The following SYCE3 variants were observed in gnomAD, a reference collection of about 807,000 sequenced individuals.
SYCE3 encodes the protein synaptonemal complex central element protein 3, also known as testis highly expressed gene 2 protein.
Under a neutral mutation model 8.1 loss-of-function variants are expected in SYCE3, and 3 were observed. The ratio of observed to expected loss-of-function variants is 0.37; its 90% CI spans 0.17 to 0.96. The LOEUF (loss-of-function observed/expected upper bound fraction) is 0.96, where lower values mean the gene tolerates loss of function less well. Ranked by LOEUF, SYCE3 falls within the 40% of genes least tolerant of loss-of-function variation. The pLI is 0.41. For synonymous variants in SYCE3, 36 were observed against 38.7 expected (o/e 0.93, Z 0.26); for missense variants, 83 against 110.0 (o/e 0.75, Z 1.10).
At chr22:50,554,693 CAA>C (rs35905749) in intron 2 of SYCE3, among the ~76,000 whole-genome samples, 9 of 78,522 alleles carry the variant, frequency 1.1e-4, no homozygotes, top group African/African-American at 3.5e-4. Flanking sequence ...GACTCCGTCT[CAA>C]AAAAAAAAAA....
At chr22:50,559,919 C>T (rs1171786639) in intron 1 of SYCE3, among the ~76,000 whole-genome samples, 1 of 152,132 alleles carries the variant, frequency 6.6e-6, no homozygotes, top group Non-Finnish European at 1.5e-5. Context: ...CAGAGCAACA[C>T]TCTGTTCCAA....
chr22:50,560,042 A>T (rs1333207203), intron 1 of SYCE3, among the ~76,000 whole-genome samples: 1 of 152,230 alleles, frequency 6.6e-6, no homozygotes, highest in Non-Finnish European at 1.5e-5. Flanking sequence ...CAAGAGCCCA[A>T]TCGAAATGTT....
At chr22:50,556,074 T>C (rs131772) in intron 2 of SYCE3, among the ~76,000 whole-genome samples, 63,251 of 151,780 alleles carry the variant, frequency 0.42, 14,326 homozygotes, top group East Asian at 0.62. Flanking sequence ...ATTACAGGAG[T>C]GAGCCACCGC....
chr22:50,551,657 A>G (rs60414910), intron 2 of SYCE3, among the ~76,000 whole-genome samples: 12,355 of 152,230 alleles, frequency 0.081, 1,075 homozygotes, highest in African/African-American at 0.22. Context: ...CATGATGTAA[A>G]AAACTAGAGG....
rs1187062731 is a variant in SYCE3 at position 50,562,843 on chromosome 22, C to G, written c.-1+15G>C. 2 of 152,052 alleles carry G rather than the reference C, an allele frequency of 1.3e-5. No homozygotes were observed. The highest frequency in any genetic ancestry group is 3.9e-4 in the East Asian group (2 of 5,146). 9.4% of individuals were successfully genotyped at this position (152,052 alleles called of 1,614,324 possible). ...TTGGGAGGGCCGGGGCCCAGGGGGG[C>G]GCGGCCTCGCTCACCTCCAGCTTGG... On this transcript the variant is annotated intron_variant, in intron 1 of 2. Transcript: ENST00000406915.
chr22:50,561,549 G>T (rs2069917298), intron 1 of SYCE3, among the ~76,000 whole-genome samples: 2 of 150,276 alleles, frequency 1.3e-5, no homozygotes, highest in African/African-American at 4.9e-5. Flanking sequence ...GGAGTGTGGG[G>T]CGGGAGCGTG....
At chr22:50,552,130 A>AT (rs1396256943) in intron 2 of SYCE3, among the ~76,000 whole-genome samples, 10 of 152,224 alleles carry the variant, frequency 6.6e-5, no homozygotes, top group Non-Finnish European at 1.3e-4. Flanking sequence ...CTCTGCAACT[A>AT]TACAGAACAA....
chr22:50,554,194 C>CAGA (rs531615519), intron 2 of SYCE3, among the ~76,000 whole-genome samples: 8,324 of 108,490 alleles, frequency 0.077, 505 homozygotes, highest in African/African-American at 0.18. Flanking sequence ...GACTCTGTCT[C>CAGA]AAAAAAAAAA....
chr22:50,551,303 T>C lies in SYCE3; in HGVS notation c.209A>G (p.Lys70Arg), dbSNP rs2069805546. 18 of 1,551,200 alleles carry C rather than the reference T, an allele frequency of 1.2e-5. No homozygotes were observed. The highest frequency in any genetic ancestry group is 1.4e-5 in the African/African-American group (1 of 73,042). ...RRLEDAFVNC[K>R]EEMEKNWQEL... ...TTGCCAGTTCTTCTCCATCTCCTCC[T>C]TGCAGTTGACGAAGGCATCCTCCAG... The change falls in exon 3 of 3, where the codon AAG (lysine) becomes AGG (arginine). Residue 70 changes from lysine to arginine, a missense_variant. Transcript: ENST00000406915.
chr22:50,552,532 C>T (rs1456083846), intron 2 of SYCE3, among the ~76,000 whole-genome samples: 1 of 152,046 alleles, frequency 6.6e-6, no homozygotes, highest in Non-Finnish European at 1.5e-5. Context: ...GTGGTGGGTG[C>T]CTGTAGTCCC....
chr22:50,561,954 A>G (rs2146600458), intron 1 of SYCE3, among the ~76,000 whole-genome samples: 1 of 144,256 alleles, frequency 6.9e-6, no homozygotes, highest in South Asian at 2.3e-4. Context: ...TAAGAGGGGC[A>G]GGCTGCACGG....
At chr22:50,555,316 G>A (rs951914703) in intron 2 of SYCE3, among the ~76,000 whole-genome samples, 2 of 152,014 alleles carry the variant, frequency 1.3e-5, no homozygotes, top group African/African-American at 4.8e-5. Flanking sequence ...ACATTTCTAA[G>A]GAGAAATTTT....
intron 1 of SYCE3, 71 bp from the exon 2 acceptor site, chr22:50,556,476 C>T: frequency 1.9e-6 from 2 of 1,066,468 alleles, no homozygotes; most frequent in Non-Finnish European, 2.8e-6. Context: ...CTGGTTATAA[C>T]TCAGTGATTT....
rs2069804956 is a variant in SYCE3, at chr22:50,551,272, C to A, written c.240G>T (p.Leu80=). Residue 80 remains leucine (L), a synonymous_variant, in exon 3 of 3, where the codon CTG becomes CTT. Coordinates refer to ENST00000406915, the MANE Select transcript of SYCE3 (RefSeq NM_001123225.3). ...ACAGCCTTTGCTTGGTCTCATGCAG[C>A]AGCTCTTGCCAGTTCTTCTCCATCT... ...KEEMEKNWQE[L]LHETKQRL The A allele has an allele frequency of 6.4e-7, 1 of 1,551,428 alleles. No homozygotes were observed. The highest frequency in any genetic ancestry group is 8.7e-7 in the Non-Finnish European group (1 of 1,146,972).
chr22:50,551,401 C>T lies in SYCE3; in HGVS notation c.111G>A (p.Val37=), dbSNP rs2069807893. 1.3e-6 allele frequency: 2 copies of T among 1,548,856 alleles called. No homozygotes were observed. Among genetic ancestry groups the T allele is most frequent in the Non-Finnish European group, 1.7e-6 (2 of 1,146,506 alleles). Residue 37 remains valine, a splice_region_variant and synonymous_variant, in exon 3 of 3, where the codon GTG becomes GTA. Coordinates refer to ENST00000406915, the MANE Select transcript of SYCE3 (RefSeq NM_001123225.3). ...KLLEEMEKIS[V]QATWMAYDMV... is the part of the protein sequence containing the mutation. ...TGTCATAGGCCATCCAGGTCGCCTG[C>T]ACTGCAACAAGCAGACAGGACTGGT...
rs925333022 is a variant in SYCE3, at chr22:50,553,270, G to A, written c.110-1868C>T. The stretch of plus-strand genomic sequence containing the variant: ...ACAGGCCACTGCGCCCAGCCATAAC[G>A]TTTTTTTGAGTGCAAATTAAATCAT... On this transcript the variant is annotated intron_variant, in intron 2 of 2. Coordinates refer to ENST00000406915, the MANE Select transcript of SYCE3 (RefSeq NM_001123225.3). 4.6e-5 allele frequency among the ~76,000 whole-genome samples: 7 copies of A among 151,860 alleles called. No homozygotes were observed. In the East Asian group the frequency reaches 1.2e-3, roughly 25 times the overall value.
In SYCE3 at chr22:50,559,315, C is replaced by T. The variant is rs181372898; in HGVS notation, c.1-2910G>A. Among the ~76,000 whole-genome samples the T allele has an allele frequency of 4.0e-3, 611 of 152,064 alleles. 19 individuals are homozygous for T. Among genetic ancestry groups the T allele is most frequent in the Non-Finnish European group, 1.2e-3 (82 of 67,986 alleles). The stretch of plus-strand genomic sequence containing the variant: ...ATAATTTTTGTATTTTTAGTAGAGA[C>T]GGGGTTTCGCCATATTGGCCAGGCT... On this transcript the variant is annotated intron_variant, in intron 1 of 2. Coordinates refer to ENST00000406915, the MANE Select transcript of SYCE3 (RefSeq NM_001123225.3).
At chr22:50,551,525 C>T in intron 2 of SYCE3, 123 bp from the exon 3 acceptor site, 1 of 1,021,974 alleles carries the variant, frequency 9.8e-7, no homozygotes, top group South Asian at 1.7e-5. Flanking sequence ...GCTGAGGCAC[C>T]CAATTACTCT....
chr22:50,551,360 G>C lies in SYCE3; in HGVS notation c.152C>G (p.Thr51Ser), dbSNP rs1310224553. The C allele has an allele frequency of 1.3e-6, 2 of 1,551,044 alleles. No homozygotes were observed. Among genetic ancestry groups the C allele is most frequent in the South Asian group, 2.4e-5 (2 of 84,062 alleles). The change falls in exon 3 of 3, where the codon ACC becomes AGC. Residue 51 changes from threonine (T) to serine (S), a missense_variant. Coordinates refer to ENST00000406915, the MANE Select transcript of SYCE3 (RefSeq NM_001123225.3). The stretch of plus-strand genomic sequence containing the variant: ...CATGGACTCGGCCAGCGTAGGGTTG[G>C]TGCGCATCACCACCATGTCATAGGC... ...WMAYDMVVMR[T>S]NPTLAESMRR... is the part of the protein sequence containing the mutation.
Sources: allele counts gnomAD v4.1 joint callset (sites outside exome capture counted in the v4.1 genomes callset), GRCh38; gene constraint gnomAD v4.1.1; transcripts MANE v1.5; gene names NCBI Gene and HGNC (gene_info 2026-07-23, HGNC 2026-07-21).